The following EYA1 variants were observed in gnomAD, a reference collection of about 807,000 sequenced individuals.
The protein encoded by EYA1 is protein phosphatase EYA1.
A neutral mutation model predicts 82.0 loss-of-function variants in EYA1; 16 were observed. The observed-to-expected ratio is 0.20, with a 90% CI of 0.13 to 0.30. The LOEUF (loss-of-function observed/expected upper bound fraction) is 0.30. EYA1 is among the 10% of genes least tolerant of loss of function. The pLI is 1.00. For missense variants in EYA1, 633 were observed against 730.7 expected, an observed-to-expected ratio of 0.87 and a Z score of 1.54; for synonymous variants, 261 against 264.4, an observed-to-expected ratio of 0.99 and a Z score of 0.12.
At chr8:71,338,696 A>G (rs1048741203) in intron 3 of EYA1, among the ~76,000 whole-genome samples, 38 of 152,200 alleles carry the variant, frequency 2.5e-4, no homozygotes, top group African/African-American at 8.7e-4. Context: ...TTCACCATAA[A>G]ATAAGTGGGC....
At chr8:71,220,406 G>A (rs7006728) in intron 12 of EYA1, among the ~76,000 whole-genome samples, 20,511 of 152,126 alleles carry the variant, frequency 0.13, 2,140 homozygotes, top group East Asian at 0.55. Flanking sequence ...GAGATGCCCA[G>A]GGGATCCCTG....
chr8:71,457,584 A>C (rs924169705), intron 2 of EYA1, among the ~76,000 whole-genome samples: 2 of 152,234 alleles, frequency 1.3e-5, no homozygotes, highest in Non-Finnish European at 2.9e-5. Flanking sequence ...TGCAGCCATA[A>C]AAAATGATGA....
At chr8:71,313,125 A>G (rs973224956) in intron 7 of EYA1, among the ~76,000 whole-genome samples, 4 of 151,954 alleles carry the variant, frequency 2.6e-5, no homozygotes, top group Admixed American at 2.6e-4. Flanking sequence ...CTCATTTTCC[A>G]ACACCCCATT....
chr8:71,322,181 A>C lies in EYA1; in HGVS notation c.272+18T>G. On this transcript the variant is annotated intron_variant, in intron 5 of 17. Coordinates refer to ENST00000340726, the MANE Select transcript of EYA1 (RefSeq NM_000503.6). ...ACTCAGAGAAGTTATTTATTGATTA[A>C]GAGAAAATACATCTTACTTGGAAGG... The C allele has an allele frequency of 5.6e-6, 9 of 1,602,440 alleles. No individual in the cohort carries two copies. Among genetic ancestry groups the C allele is most frequent in the Non-Finnish European group, 7.7e-6 (9 of 1,169,284 alleles).
At chr8:71,374,858 G>A (rs890124723) in intron 2 of EYA1, among the ~76,000 whole-genome samples, 1 of 152,112 alleles carries the variant, frequency 6.6e-6, no homozygotes, top group Non-Finnish European at 1.5e-5. Context: ...CAACAACTTT[G>A]AGGAAATTAT....
chr8:71,201,188 T>C (rs1351528572), intron 17 of EYA1, among the ~76,000 whole-genome samples: 1 of 148,648 alleles, frequency 6.7e-6, no homozygotes, highest in Non-Finnish European at 1.5e-5. Flanking sequence ...GCTAAGCACC[T>C]CAAAGAGACA....
intron 2 of EYA1, among the ~76,000 whole-genome samples, chr8:71,504,130 G>A (rs970530028): frequency 6.6e-6 from 1 of 152,022 alleles, no homozygotes; most frequent in African/African-American, 2.4e-5. Context: ...TCTCTTTCTG[G>A]TTGGAAGACA....
intron 2 of EYA1, among the ~76,000 whole-genome samples, chr8:71,377,996 A>G (rs746661606): frequency 2.6e-5 from 4 of 152,032 alleles, no homozygotes; most frequent in Non-Finnish European, 5.9e-5. Flanking sequence ...TTCTTGACCT[A>G]CTGACTCAGC....
In EYA1 at chr8:71,217,000, A is replaced by G; in HGVS notation, c.1164T>C (p.Asp388=). The G allele has an allele frequency of 6.2e-7, 1 of 1,613,594 alleles. No homozygotes were observed. Among genetic ancestry groups the G allele is most frequent in the Non-Finnish European group, 8.5e-7 (1 of 1,179,478 alleles). The change falls in exon 13 of 18, where the codon GAT becomes GAC. Residue 388 remains aspartate (D), a synonymous_variant. Coordinates refer to ENST00000340726, the MANE Select transcript of EYA1 (RefSeq NM_000503.6). The part of the protein sequence containing the change: ...DLEECDQVHI[D]DVSSDDNGQD... Reference sequence around the variant, plus strand: ...GTCCGTTATCATCTGAAGAAACATCATCTATATGGACTTGGTCACATTCCT... The same window carrying G: ...GTCCGTTATCATCTGAAGAAACATCGTCTATATGGACTTGGTCACATTCCT...
intron 11 of EYA1, among the ~76,000 whole-genome samples, chr8:71,246,185 G>T (rs7821945): frequency 6.6e-6 from 1 of 152,010 alleles, no homozygotes; most frequent in Admixed American, 6.6e-5. Context: ...ACCAACTTTC[G>T]TATGTATGCC....
chr8:71,244,469 A>G (rs1031568965), intron 12 of EYA1, 134 bp downstream of exon 12: 2 of 604,662 alleles, frequency 3.3e-6, no homozygotes, highest in Non-Finnish European at 6.0e-6. Flanking sequence ...AAGGCAAAAC[A>G]CATTGCCATA....
In EYA1 at chr8:71,299,205, T is replaced by C. The variant is rs1382039361; in HGVS notation, c.668A>G (p.Gln223Arg). Reference sequence around the variant, plus strand: ...GTTATAATACTGTGCGTACTGACCCTGGCCAAAACTGGGATAAGACGGATA... The same window carrying C: ...GTTATAATACTGTGCGTACTGACCCCGGCCAAAACTGGGATAAGACGGATA... ...QDYPSYPSFG[Q>R]GQYAQYYNSS... The change falls in exon 9 of 18, where the codon CAG becomes CGG. Residue 223 changes from glutamine (Q) to arginine (R), a missense_variant. Gln to Arg is a conservative substitution (Grantham distance 43). Coordinates refer to ENST00000340726, the MANE Select transcript of EYA1 (RefSeq NM_000503.6). The C allele has an allele frequency of 6.2e-7, 1 of 1,614,148 alleles. No homozygotes were observed. The highest frequency in any genetic ancestry group is 8.5e-7 in the Non-Finnish European group (1 of 1,179,992).
At chr8:71,319,765 T>TA (rs1822326713) in intron 6 of EYA1, among the ~76,000 whole-genome samples, 1 of 152,132 alleles carries the variant, frequency 6.6e-6, no homozygotes, top group African/African-American at 2.4e-5. Context: ...TATCAGCAGT[T>TA]AAAACCCAAG....
intron 2 of EYA1, among the ~76,000 whole-genome samples, chr8:71,378,327 A>C (rs968968541): frequency 1.3e-5 from 2 of 152,156 alleles, no homozygotes; most frequent in Admixed American, 6.5e-5. Context: ...AGTTGTAGGC[A>C]CTGATTGCTA....
intron 12 of EYA1, among the ~76,000 whole-genome samples, 170 bp from the exon 13 acceptor site, chr8:71,217,193 G>T (rs935938990): frequency 3.3e-5 from 5 of 151,994 alleles, no homozygotes; most frequent in African/African-American, 1.2e-4. Flanking sequence ...ACCTACTTAG[G>T]GTCCTCTCCT....
chr8:71,335,129 G>T (rs948526304), intron 3 of EYA1, among the ~76,000 whole-genome samples: 1 of 152,198 alleles, frequency 6.6e-6, no homozygotes, highest in Non-Finnish European at 1.5e-5. Flanking sequence ...TCATTTCTTA[G>T]TAACAGATTT....
At chr8:71,308,317 T>G (rs1315857358) in intron 7 of EYA1, among the ~76,000 whole-genome samples, 3 of 152,220 alleles carry the variant, frequency 2.0e-5, no homozygotes, top group Non-Finnish European at 4.4e-5. Flanking sequence ...AAAGGACTTC[T>G]TCATTGTAAC....
At chr8:71,420,620 T>C (rs1178751357) in intron 2 of EYA1, among the ~76,000 whole-genome samples, 1 of 152,208 alleles carries the variant, frequency 6.6e-6, no homozygotes, top group Non-Finnish European at 1.5e-5. Flanking sequence ...ATACAGCATG[T>C]ATATCTGATA....
intron 7 of EYA1, among the ~76,000 whole-genome samples, chr8:71,316,807 T>C (rs186980480): frequency 2.0e-5 from 3 of 152,242 alleles, no homozygotes; most frequent in Admixed American, 6.5e-5. Context: ...GACAAGATAT[T>C]AGGAAAATGT....
Sources: allele counts gnomAD v4.1 joint callset (sites outside exome capture counted in the v4.1 genomes callset), GRCh38; gene constraint gnomAD v4.1.1; transcripts MANE v1.5; gene names NCBI Gene and HGNC (gene_info 2026-07-23, HGNC 2026-07-21).